TNPO1: variants seen among roughly 807,000 people sequenced by gnomAD.
TNPO1 encodes the protein transportin 1, also known as transportin-1.
In TNPO1, 8 loss-of-function variants were observed where a neutral mutation model predicts 119.5. That is an observed-to-expected ratio of 0.07 (90% CI 0.04 to 0.12). TNPO1 has a LOEUF of 0.12. TNPO1 is among the 10% of genes least tolerant of loss of function. The pLI, the probability that TNPO1 is intolerant of heterozygous loss-of-function variation, is 1.00. For synonymous variants in TNPO1, 362 were observed against 363.0 expected (o/e 1.00, Z 0.03); for missense variants, 576 against 1,089.8 (o/e 0.53, Z 6.64).
chr5:72,859,364 T>C lies in TNPO1; in HGVS notation c.356-2444T>C, dbSNP rs191529469. The stretch of plus-strand genomic sequence containing the variant: ...CTGCTGTAGCAACCAAAAATGTCTC[T>C]AGACCATGCCACGTGTTGGGGTCAG... On this transcript the variant is annotated intron_variant, in intron 4 of 24. Transcript: ENST00000337273. 2.0e-3 allele frequency among the ~76,000 whole-genome samples: 304 copies of C among 152,344 alleles called. 3 individuals carry two copies. The highest frequency in any genetic ancestry group is 7.1e-3 in the African/African-American group (294 of 41,582).
At chr5:72,854,372 A>G (rs991226126) in intron 3 of TNPO1, among the ~76,000 whole-genome samples, 1 of 152,208 alleles carries the variant, frequency 6.6e-6, no homozygotes, top group Non-Finnish European at 1.5e-5. Flanking sequence ...TTGCCTCTAC[A>G]TGTTGCTTCA....
rs114626655 is a variant in TNPO1, at chr5:72,837,621, G to C, written c.16-10764G>C. Among the ~76,000 whole-genome samples the C allele has an allele frequency of 2.7e-3, 412 of 152,218 alleles. 2 individuals carry two copies. The highest frequency in any genetic ancestry group is 9.7e-3 in the African/African-American group (403 of 41,504). On this transcript the variant is annotated intron_variant, in intron 1 of 24. Coordinates refer to ENST00000337273, the MANE Select transcript of TNPO1 (RefSeq NM_002270.4). ...CCATTTTGATACATATTCTTTGATTGTACAAAAATAATCTAAGAAATCTTC... is the reference window on the plus strand; with the variant it reads ...CCATTTTGATACATATTCTTTGATTCTACAAAAATAATCTAAGAAATCTTC...
intron 1 of TNPO1, among the ~76,000 whole-genome samples, chr5:72,821,369 G>A (rs923843013): frequency 3.3e-5 from 5 of 152,144 alleles, no homozygotes; most frequent in African/African-American, 1.2e-4. Context: ...AATTAAGGAA[G>A]AGAAGTATTT....
chr5:72,908,983 A>G lies in TNPO1; in HGVS notation c.*310A>G, dbSNP rs749809687. On this transcript the variant is annotated 3_prime_UTR_variant, in exon 25 of 25. Transcript: ENST00000337273. ...AATCTATTCAGTCTACTCACAAAAC[A>G]GTACATTGTGGAATATTATGGGGAA... is the stretch of plus-strand genomic sequence containing the variant. The G allele has an allele frequency of 2.3e-6, 1 of 430,040 alleles. No individual in the cohort carries two copies. The allele number at this position is 430,040 out of a possible 1,614,324, so 26.6% of individuals were successfully genotyped here.
intron 1 of TNPO1, among the ~76,000 whole-genome samples, chr5:72,819,769 T>A (rs892189633): frequency 2.6e-5 from 4 of 152,208 alleles, no homozygotes; most frequent in African/African-American, 9.7e-5. Context: ...CTATTTGGAT[T>A]CAGATTTTGG....
intron 4 of TNPO1, among the ~76,000 whole-genome samples, chr5:72,857,334 TC>T (rs1746081016): frequency 6.6e-6 from 1 of 151,674 alleles, no homozygotes; most frequent in Non-Finnish European, 1.5e-5. Flanking sequence ...AAAAAAGAGT[TC>T]CTGTTTTGTC....
chr5:72,844,063 A>C (rs951925436), intron 1 of TNPO1, among the ~76,000 whole-genome samples: 1 of 152,234 alleles, frequency 6.6e-6, no homozygotes, highest in Non-Finnish European at 1.5e-5. Context: ...GCGTTTATTC[A>C]ACAAGTATTT....
At chr5:72,904,154 TTTG>T in intron 23 of TNPO1, among the ~76,000 whole-genome samples, 1 of 152,322 alleles carries the variant, frequency 6.6e-6, no homozygotes, top group East Asian at 1.9e-4. Flanking sequence ...CATTATTTGC[TTTG>T]TTAATACCCT....
rs547685693 is a variant in TNPO1 at position 72,849,360 on chromosome 5, A to G, written c.129+862A>G. Among the ~76,000 whole-genome samples the G allele has an allele frequency of 4.1e-4, 63 of 152,328 alleles. No individual in the cohort carries two copies. The South Asian group carries it at 0.012, about 30-fold the overall frequency. On this transcript the variant is annotated intron_variant, in intron 2 of 24. Coordinates refer to ENST00000337273, the MANE Select transcript of TNPO1 (RefSeq NM_002270.4). ...ATGCAGTAAAGGAAACATTCACTCT[A>G]TATCATGAATAACCTTTTAACCCCC...
At chr5:72,904,719 C>T (rs1179113183) in intron 23 of TNPO1, among the ~76,000 whole-genome samples, 1 of 152,158 alleles carries the variant, frequency 6.6e-6, no homozygotes, top group Non-Finnish European at 1.5e-5. Flanking sequence ...ATCGCTTGAA[C>T]CCAGGAAGTG....
chr5:72,894,410 A>C (rs1163368721), intron 18 of TNPO1, among the ~76,000 whole-genome samples: 3 of 152,282 alleles, frequency 2.0e-5, no homozygotes, highest in African/African-American at 7.2e-5. Context: ...GGCGGCTCAG[A>C]CCTGTAATGC....
At position 72,872,654 on chromosome 5, in the gene TNPO1, A is replaced by C. The variant is rs781676373; in HGVS notation, c.612A>C (p.Ala204=). ...TTGTTTCTAGGTCTCACGCTGTTGCATGTGTCAATCAGTTTATCATCAGTA... is the reference window on the plus strand; with the variant it reads ...TTGTTTCTAGGTCTCACGCTGTTGCCTGTGTCAATCAGTTTATCATCAGTA... The part of the protein sequence containing the change: ...SSPKIRSHAV[A]CVNQFIISRT... Residue 204 remains alanine, a synonymous_variant, in exon 7 of 25, where the codon GCA becomes GCC. Coordinates refer to ENST00000337273, the MANE Select transcript of TNPO1 (RefSeq NM_002270.4). The C allele has an allele frequency of 5.0e-6, 8 of 1,610,780 alleles. No homozygotes were observed. The highest frequency in any genetic ancestry group is 5.9e-6 in the Non-Finnish European group (7 of 1,178,426).
Position 72,910,590 on chromosome 5 carries a change from TTA to T in TNPO1, c.*1918_*1919del, listed in dbSNP as rs1750495681. 1 of 152,600 alleles carries T rather than the reference TTA, an allele frequency of 6.6e-6. No individual in the cohort carries two copies. The highest frequency in any genetic ancestry group is 1.5e-5 in the Non-Finnish European group (1 of 68,008). The allele number at this position is 152,600 out of a possible 1,614,324, so 9.5% of individuals were successfully genotyped here. On this transcript the variant is annotated 3_prime_UTR_variant, in exon 25 of 25. Transcript: ENST00000337273. ...TAAGCCATAACAGCCTTTTTATATTTTAGTTTGTCACCTTTGCATTGCAGAAT... is the reference window on the plus strand; with the variant it reads ...TAAGCCATAACAGCCTTTTTATATTTGTTTGTCACCTTTGCATTGCAGAAT...
intron 15 of TNPO1, among the ~76,000 whole-genome samples, chr5:72,892,604 A>C (rs959904058): frequency 2.0e-5 from 3 of 152,172 alleles, no homozygotes; most frequent in African/African-American, 7.2e-5. Context: ...TGGATACAGA[A>C]ATCCAGCGAT....
chr5:72,872,587 G>A (rs757237327), intron 6 of TNPO1, 52 bp from the exon 7 acceptor site: 29 of 1,326,946 alleles, frequency 2.2e-5, no homozygotes, highest in Non-Finnish European at 2.9e-5. Flanking sequence ...ATTTTCTATA[G>A]ATAGAACAAA....
intron 4 of TNPO1, among the ~76,000 whole-genome samples, chr5:72,856,914 C>G (rs1418347626): frequency 6.6e-6 from 1 of 152,140 alleles, no homozygotes; most frequent in Non-Finnish European, 1.5e-5. Context: ...TAATGGGCAG[C>G]CTTTAGTATA....
chr5:72,821,114 C>CA (rs1743938128), intron 1 of TNPO1, among the ~76,000 whole-genome samples: 1 of 151,516 alleles, frequency 6.6e-6, no homozygotes, highest in Non-Finnish European at 1.5e-5. Context: ...GGGAAACAAG[C>CA]AAAAAAATAT....
chr5:72,837,503 A>G (rs1037249003), intron 1 of TNPO1, among the ~76,000 whole-genome samples: 4 of 152,202 alleles, frequency 2.6e-5, no homozygotes, highest in Admixed American at 6.5e-5. Flanking sequence ...TCTTAATACT[A>G]TCGCATTTGG....
At chr5:72,908,507 G>A (rs1483654727) in intron 24 of TNPO1, among the ~76,000 whole-genome samples, 1 of 152,102 alleles carries the variant, frequency 6.6e-6, no homozygotes, top group African/African-American at 2.4e-5. Flanking sequence ...TTTCATACCT[G>A]ATGCAGCAAA....
Sources: gnomAD v4.1 joint callset for allele counts (sites outside exome capture counted in the v4.1 genomes callset) on GRCh38, gnomAD v4.1.1 for gene constraint, MANE v1.5 for transcripts, NCBI Gene and HGNC (gene_info 2026-07-23, HGNC 2026-07-21) for gene names.